ZRANB1: variants seen among roughly 807,000 people sequenced by gnomAD.
ZRANB1 encodes the protein zinc finger RANBP2-type containing 1, also known as ubiquitin thioesterase ZRANB1.
A neutral mutation model predicts 80.5 loss-of-function variants in ZRANB1; 16 were observed. That is an observed-to-expected ratio of 0.20 (90% CI 0.13 to 0.30). The LOEUF is 0.30. ZRANB1 is among the 10% of genes least tolerant of loss of function. The pLI is 1.00. For missense variants in ZRANB1, 576 were observed against 862.6 expected (o/e 0.67, Z 4.16); for synonymous variants, 291 against 293.1 (o/e 0.99, Z 0.07).
intron 1 of ZRANB1, among the ~76,000 whole-genome samples, chr10:124,960,684 G>T (rs950776695): frequency 6.6e-6 from 1 of 152,000 alleles, no homozygotes; most frequent in Non-Finnish European, 1.5e-5. Context: ...GCCTCCCAAA[G>T]TGCTGAGATT....
chr10:124,974,513 A>T (rs1019268025), intron 5 of ZRANB1, 115 bp downstream of exon 5: 6 of 1,101,766 alleles, frequency 5.4e-6, no homozygotes, highest in Non-Finnish European at 7.8e-6. Context: ...TGGAGGAAAA[A>T]CAGTTCATTT....
chr10:124,938,757 A>G (rs1460978064), upstream of ZRANB1, among the ~76,000 whole-genome samples: 1 of 151,586 alleles, frequency 6.6e-6, no homozygotes, highest in Non-Finnish European at 1.5e-5. Flanking sequence ...CCCAGGCTGA[A>G]GCACAGTAGC....
chr10:124,932,769 G>A, the ZRANB1 span, among the ~76,000 whole-genome samples: 1 of 152,004 alleles, frequency 6.6e-6, no homozygotes, highest in Admixed American at 6.6e-5. Flanking sequence ...CACCATGTTG[G>A]CCAGGCTGGT....
rs755360167 is a variant in ZRANB1, at chr10:124,972,053, A to C, written c.1091A>C (p.His364Pro). 1 of 1,613,932 alleles carries C rather than the reference A, an allele frequency of 6.2e-7. No individual in the cohort carries two copies. The highest frequency in any genetic ancestry group is 2.2e-5 in the East Asian group (1 of 44,868). ...QIRREIAASL[H>P]QRKGDFACYF... The stretch of plus-strand genomic sequence containing the variant: ...CGGAGAGAGATAGCTGCCTCTCTTC[A>C]TCAGAGAAAGGGGGATTTTGCTTGC... Residue 364 changes from histidine (H) to proline (P), a missense_variant, in exon 3 of 9, where the codon CAT becomes CCT. His to Pro is a moderately conservative substitution (Grantham distance 77). Coordinates refer to ENST00000359653, the MANE Select transcript of ZRANB1 (RefSeq NM_017580.3).
Position 124,982,224 on chromosome 10 carries a change from T to C in ZRANB1, c.1548+395T>C, listed in dbSNP as rs539950863. ...CTATCCAGGTGAGCTCTGTTCTGTC[T>C]CTGGGGACACTTAAGATTACTGGTG... is the stretch of plus-strand genomic sequence containing the variant. On this transcript the variant is annotated intron_variant, in intron 6 of 8. Transcript: ENST00000359653. Among the ~76,000 whole-genome samples, 7 of 152,362 alleles carry C rather than the reference T, an allele frequency of 4.6e-5. No individual in the cohort carries two copies. In the South Asian group the frequency reaches 1.5e-3, roughly 32 times the overall value.
chr10:124,923,634 T>G, the ZRANB1 span, among the ~76,000 whole-genome samples: 543 of 152,004 alleles, frequency 3.6e-3, 8 homozygotes, highest in African/African-American at 0.012. Context: ...TTTAACTGAC[T>G]AACAGTTTCT....
At chr10:124,938,334 T>G (rs534572873), upstream of ZRANB1, among the ~76,000 whole-genome samples, 4 of 151,966 alleles carry the variant, frequency 2.6e-5, no homozygotes, top group Non-Finnish European at 5.9e-5. Context: ...TTCAATGAAT[T>G]TTTTCTTTTC....
At position 124,983,592 on chromosome 10, in the gene ZRANB1, T is replaced by C; in HGVS notation, c.1812T>C (p.Ala604=). 6.2e-7 allele frequency: 1 copy of C among 1,614,176 alleles called. No individual in the cohort carries two copies. The highest frequency in any genetic ancestry group is 1.1e-5 in the South Asian group (1 of 91,080). ...NDGYGNRGAG[A]NLNTDDDVTI... is the part of the protein sequence containing the mutation. Reference sequence around the variant, plus strand: ...GCTATGGCAACCGAGGTGCTGGTGCTAATCTCAATACCGATGATGATGTCA... The same window carrying C: ...GCTATGGCAACCGAGGTGCTGGTGCCAATCTCAATACCGATGATGATGTCA... Residue 604 remains alanine (A), a synonymous_variant, in exon 8 of 9, where the codon GCT becomes GCC. Coordinates refer to ENST00000359653, the MANE Select transcript of ZRANB1 (RefSeq NM_017580.3). The surrounding 1 kb of genome is among the most constrained non-coding windows in gnomAD (Gnocchi z 6.2).
At chr10:124,950,985 G>A (rs902947033) in intron 1 of ZRANB1, among the ~76,000 whole-genome samples, 4 of 151,778 alleles carry the variant, frequency 2.6e-5, no homozygotes, top group African/African-American at 7.3e-5. Context: ...AACTTGCATG[G>A]TATTAAATAT....
At position 124,943,228 on chromosome 10, in the gene ZRANB1, T is replaced by C. The variant is rs766122860; in HGVS notation, c.735T>C (p.Leu245=). 11 of 1,614,032 alleles carry C rather than the reference T, an allele frequency of 6.8e-6. No individual in the cohort carries two copies. The East Asian group carries it at 2.2e-4, about 33-fold the overall frequency. The change falls in exon 1 of 9, where the codon CTT becomes CTC. Residue 245 remains leucine (L), a synonymous_variant. Transcript: ENST00000359653. Reference sequence around the variant, plus strand: ...GTGCTGTGGGAAGCAAGGAGGAACTTGAAGTAGACTTTAAAAAACTAAAGC... The same window carrying C: ...GTGCTGTGGGAAGCAAGGAGGAACTCGAAGTAGACTTTAAAAAACTAAAGC... The part of the protein sequence containing the change: ...LAGAVGSKEE[L]EVDFKKLKQI...
At chr10:124,982,493 G>C (rs1226666153) in intron 6 of ZRANB1, among the ~76,000 whole-genome samples, 1 of 152,156 alleles carries the variant, frequency 6.6e-6, no homozygotes, top group African/African-American at 2.4e-5. Context: ...ACTGTGTAGG[G>C]TTGTCCCTTA....
In ZRANB1 at chr10:124,966,741, G is replaced by A. The variant is rs1384083639; in HGVS notation, c.962G>A (p.Arg321His). The A allele has an allele frequency of 1.9e-6, 3 of 1,613,982 alleles. No homozygotes were observed. The highest frequency in any genetic ancestry group is 2.2e-5 in the East Asian group (1 of 44,892). Residue 321 changes from arginine (R) to histidine (H), a missense_variant, in exon 2 of 9, where the codon CGT becomes CAT. Arg to His is a conservative substitution (Grantham distance 29). Around this residue, in one of 3 missense-constraint regions of ZRANB1, gnomAD observed 411 missense variants for 583.1 expected, o/e 0.70. Coordinates refer to ENST00000359653, the MANE Select transcript of ZRANB1 (RefSeq NM_017580.3). ...VGYTLVHLAIRFQRQDMLAIL... is the reference protein window; with the variant it reads ...VGYTLVHLAIHFQRQDMLAIL... The stretch of plus-strand genomic sequence containing the variant: ...TATACTCTTGTACACTTGGCTATAC[G>A]TTTTCAGAGGCAGGATATGCTAGCA...
At chr10:124,926,931 T>C in the ZRANB1 span, among the ~76,000 whole-genome samples, 1 of 152,160 alleles carries the variant, frequency 6.6e-6, no homozygotes, top group African/African-American at 2.4e-5. Flanking sequence ...GATTGACACA[T>C]GGTTATGCAG....
chr10:124,980,705 T>TA (rs1362930111), intron 5 of ZRANB1, among the ~76,000 whole-genome samples: 1 of 152,218 alleles, frequency 6.6e-6, no homozygotes, highest in Non-Finnish European at 1.5e-5. Context: ...CTTTAGGAAA[T>TA]ATATTTACTC....
chr10:124,946,429 A>T (rs1439920371), intron 1 of ZRANB1: 1 of 152,426 alleles, frequency 6.6e-6, no homozygotes, highest in East Asian at 1.9e-4. Context: ...AAAAAAAAAA[A>T]AAAAAAGAAA....
chr10:124,954,051 C>T (rs12412808), intron 1 of ZRANB1, among the ~76,000 whole-genome samples: 4 of 149,752 alleles, frequency 2.7e-5, no homozygotes, highest in African/African-American at 9.9e-5. Context: ...ACTGCAGCCT[C>T]GAATGCCCAG....
At chr10:124,971,916 T>G (rs777931689) in intron 2 of ZRANB1, 49 bp from the exon 3 acceptor site, 7 of 1,472,856 alleles carry the variant, frequency 4.8e-6, no homozygotes, top group Non-Finnish European at 6.3e-6. Context: ...TGTTTTCTGC[T>G]TCCACTTATG....
chr10:124,975,225 A>T (rs923894125), intron 5 of ZRANB1, among the ~76,000 whole-genome samples: 11 of 152,194 alleles, frequency 7.2e-5, no homozygotes, highest in African/African-American at 9.7e-5. Flanking sequence ...GAATAATTTT[A>T]AAAAAATTCA....
At chr10:124,917,277 C>T in the ZRANB1 span, 1 of 153,256 alleles carries the variant, frequency 6.5e-6, no homozygotes, top group African/African-American at 2.4e-5. Flanking sequence ...CGCCAGGTAA[C>T]CGGGCCCCGG....
Sources: gnomAD v4.1 joint callset for allele counts (sites outside exome capture counted in the v4.1 genomes callset) on GRCh38, gnomAD v4.1.1 for gene constraint, gnomAD v4.1.1 regional missense constraint, Gnocchi (gnomAD v3.1) non-coding constraint, MANE v1.5 for transcripts, NCBI Gene and HGNC (gene_info 2026-07-23, HGNC 2026-07-21) for gene names.